The following COL24A1 variants were observed in gnomAD, a reference collection of about 807,000 sequenced individuals.
COL24A1 encodes collagen alpha-1(XXIV) chain.
COL24A1 carries 224 observed loss-of-function variants against 253.9 expected under a neutral mutation model. That is an observed-to-expected ratio of 0.88 (90% CI 0.79 to 0.99). The LOEUF is 0.99. COL24A1 is among the 50% of genes least tolerant of loss of function. The probability of loss-of-function intolerance (pLI) is 0.00; values close to 1 mark genes in which losing one functional copy is unlikely to be tolerated. For missense variants in COL24A1, 2,131 were observed against 2,068.5 expected (o/e 1.03, Z -0.59); for synonymous variants, 685 against 673.7 (o/e 1.02, Z -0.26).
At chr1:86,097,341 T>C (rs998694760) in intron 5 of COL24A1, among the ~76,000 whole-genome samples, 5 of 151,322 alleles carry the variant, frequency 3.3e-5, no homozygotes, top group African/African-American at 1.2e-4. Context: ...AATCTTGTTG[T>C]TATTGTATTG....
At chr1:86,071,486 T>C (rs1406296148) in intron 7 of COL24A1, among the ~76,000 whole-genome samples, 1 of 152,124 alleles carries the variant, frequency 6.6e-6, no homozygotes, top group African/African-American at 2.4e-5. Context: ...CAAGTTCCAA[T>C]GATCTTTGCC....
chr1:86,064,857 C>T (rs1205430602), intron 7 of COL24A1, among the ~76,000 whole-genome samples: 4 of 152,264 alleles, frequency 2.6e-5, no homozygotes, highest in Non-Finnish European at 5.9e-5. Flanking sequence ...ATTTCAACAG[C>T]TTTTGCGATG....
chr1:85,956,636 G>C (rs1205488251), intron 24 of COL24A1, among the ~76,000 whole-genome samples: 2 of 152,156 alleles, frequency 1.3e-5, no homozygotes, highest in Non-Finnish European at 2.9e-5. Context: ...ATCTTCACGT[G>C]GGGCAGAAAT....
At chr1:85,876,832 A>G (rs1039209691) in intron 33 of COL24A1, among the ~76,000 whole-genome samples, 4 of 152,360 alleles carry the variant, frequency 2.6e-5, no homozygotes, top group African/African-American at 9.6e-5. Context: ...AGGGCATATA[A>G]TATCTTAGGA....
intron 14 of COL24A1, among the ~76,000 whole-genome samples, chr1:86,026,522 A>T (rs1698043908): frequency 6.6e-6 from 1 of 152,190 alleles, no homozygotes; most frequent in Admixed American, 6.5e-5. Flanking sequence ...CCGTCCTGCC[A>T]CCCTGTGAAG....
chr1:85,894,002 T>C (rs1187802434), intron 31 of COL24A1, among the ~76,000 whole-genome samples: 1 of 152,136 alleles, frequency 6.6e-6, no homozygotes, highest in Non-Finnish European at 1.5e-5. Flanking sequence ...CAAAGGACAA[T>C]CTGACCTCGA....
chr1:85,810,649 G>A (rs577948907), intron 47 of COL24A1, among the ~76,000 whole-genome samples: 4 of 152,088 alleles, frequency 2.6e-5, no homozygotes, highest in African/African-American at 9.7e-5. Context: ...TTCTGATAAT[G>A]AGTTCTCACA....
chr1:85,882,559 A>G (rs1681986521), intron 32 of COL24A1, among the ~76,000 whole-genome samples: 1 of 151,522 alleles, frequency 6.6e-6, no homozygotes, highest in Non-Finnish European at 1.5e-5. Context: ...TGAGTGTTCC[A>G]TGTCAGTTTG....
chr1:86,146,372 C>T lies in COL24A1; in HGVS notation c.57-189G>A, dbSNP rs568100956. On this transcript the variant is annotated intron_variant, in intron 1 of 59. Coordinates refer to ENST00000370571, the MANE Select transcript of COL24A1 (RefSeq NM_152890.7). Reference sequence around the variant, plus strand: ...TCCAGTTTTGCCACTTACTATGTGACTTGGGCACATTTTTAATCATTCTAT... The same window carrying T: ...TCCAGTTTTGCCACTTACTATGTGATTTGGGCACATTTTTAATCATTCTAT... Among the ~76,000 whole-genome samples, 11 of 152,062 alleles carry T rather than the reference C, an allele frequency of 7.2e-5. No individual in the cohort carries two copies. The East Asian group carries it at 2.1e-3, about 29-fold the overall frequency.
intron 12 of COL24A1, among the ~76,000 whole-genome samples, chr1:86,036,189 G>C (rs1243618941): frequency 6.6e-6 from 1 of 151,624 alleles, no homozygotes; most frequent in Non-Finnish European, 1.5e-5. Context: ...GTCTCACTTT[G>C]TTGCCCAGAC....
chr1:85,849,881 T>G (rs1475874836), intron 37 of COL24A1, among the ~76,000 whole-genome samples: 2 of 152,092 alleles, frequency 1.3e-5, no homozygotes, highest in Admixed American at 1.3e-4. Flanking sequence ...CACACACATA[T>G]GAAAGAAAGT....
At chr1:85,742,086 T>C (rs1664705010) in intron 57 of COL24A1, among the ~76,000 whole-genome samples, 1 of 152,106 alleles carries the variant, frequency 6.6e-6, no homozygotes, top group South Asian at 2.1e-4. Flanking sequence ...TTCCTGATCT[T>C]TAAACATTAG....
chr1:85,798,257 A>T (rs908330181), intron 47 of COL24A1, among the ~76,000 whole-genome samples: 1 of 151,972 alleles, frequency 6.6e-6, no homozygotes, highest in Non-Finnish European at 1.5e-5. Context: ...AAATTCAACT[A>T]AGAAAGTTAA....
chr1:86,132,229 G>A (rs573891128), intron 2 of COL24A1, among the ~76,000 whole-genome samples: 2 of 151,840 alleles, frequency 1.3e-5, no homozygotes, highest in Admixed American at 6.6e-5. Flanking sequence ...TTTTTCTTGT[G>A]AATTTGTTTG....
chr1:86,073,233 G>C (rs529785075), intron 7 of COL24A1, among the ~76,000 whole-genome samples: 9 of 152,170 alleles, frequency 5.9e-5, no homozygotes, highest in African/African-American at 1.9e-4. Context: ...CTTGAAAAAA[G>C]GTTAGAGGAA....
At chr1:86,130,586 T>C (rs1332815677) in intron 2 of COL24A1, among the ~76,000 whole-genome samples, 1 of 151,994 alleles carries the variant, frequency 6.6e-6, no homozygotes, top group East Asian at 1.9e-4. Flanking sequence ...CAATGTTTTA[T>C]TTTCCTCCCT....
chr1:85,851,698 TAA>T (rs1466507025), intron 37 of COL24A1, among the ~76,000 whole-genome samples: 3 of 152,232 alleles, frequency 2.0e-5, no homozygotes, highest in African/African-American at 7.2e-5. Context: ...TAGCTACTCA[TAA>T]AGTTATCGGA....
intron 57 of COL24A1, among the ~76,000 whole-genome samples, chr1:85,742,124 T>C (rs1019666864): frequency 4.4e-4 from 58 of 130,916 alleles, no homozygotes; most frequent in Non-Finnish European, 2.5e-4. Context: ...TTTTTAGACC[T>C]CATTTCTTTT....
In COL24A1 at chr1:85,928,498, A is replaced by G. The variant is rs1195488397; in HGVS notation, c.2563-17065T>C. Among the ~76,000 whole-genome samples, 6 of 53,534 alleles carry G rather than the reference A, an allele frequency of 1.1e-4. 3 individuals are homozygous for G. Among genetic ancestry groups the G allele is most frequent in the Non-Finnish European group, 2.1e-4 (6 of 28,192 alleles). The allele number at this position is 53,534 out of a possible 152,430, so 35.1% of individuals were successfully genotyped here. A position where few individuals can be genotyped will look rare whatever the true frequency, so the allele number is the denominator to read the frequency against. ...GATGTGGAGAATGGAACCAAGTTGG[A>G]AAACACTCTGCAGGATATTATCCAG... On this transcript the variant is annotated intron_variant, in intron 24 of 59. Coordinates refer to ENST00000370571, the MANE Select transcript of COL24A1 (RefSeq NM_152890.7).
Sources: gnomAD v4.1 joint callset for allele counts (sites outside exome capture counted in the v4.1 genomes callset) on GRCh38, gnomAD v4.1.1 for gene constraint, MANE v1.5 for transcripts, NCBI Gene and HGNC (gene_info 2026-07-23, HGNC 2026-07-21) for gene names.